The following LRRTM3 variants were observed in gnomAD, a reference collection of about 807,000 sequenced individuals.
LRRTM3 encodes the protein leucine-rich repeat transmembrane neuronal protein 3.
A neutral mutation model predicts 44.7 loss-of-function variants in LRRTM3; 24 were observed. The ratio of observed to expected loss-of-function variants is 0.54; its 90% CI spans 0.39 to 0.76. The LOEUF is 0.76. LRRTM3 is among the 30% of genes least tolerant of loss of function. The pLI is 0.00. For missense variants in LRRTM3, 587 were observed against 702.2 expected, an observed-to-expected ratio of 0.84 and a Z score of 1.85; for synonymous variants, 277 against 278.7, an observed-to-expected ratio of 0.99 and a Z score of 0.06.
chr10:67,018,651 C>T (rs1852805476), intron 2 of LRRTM3, among the ~76,000 whole-genome samples: 1 of 152,212 alleles, frequency 6.6e-6, no homozygotes, highest in South Asian at 2.1e-4. Context: ...GATCCATTAC[C>T]TACTAGCCTT....
Position 67,040,360 on chromosome 10 carries a change from C to G in LRRTM3, c.1537-57227C>G, listed in dbSNP as rs150177276. On this transcript the variant is annotated intron_variant, in intron 2 of 2. Transcript: ENST00000361320. ...GGAGAGAGAACAACCTCAGTAGTAA[C>G]TAGGTAAAGATTGTACTGGTTCCCC... 9.0e-4 allele frequency among the ~76,000 whole-genome samples: 137 copies of G among 152,092 alleles called. 3 individuals carry two copies. Among genetic ancestry groups the G allele is most frequent in the African/African-American group, 3.2e-3 (133 of 41,502 alleles).
intron 2 of LRRTM3, among the ~76,000 whole-genome samples, chr10:67,073,111 C>T (rs1049535201): frequency 3.3e-5 from 5 of 152,174 alleles, no homozygotes; most frequent in Non-Finnish European, 5.9e-5. Flanking sequence ...TACATGCATG[C>T]CTTGGAATAA....
chr10:66,950,575 C>T (rs1474916829), intron 2 of LRRTM3, among the ~76,000 whole-genome samples: 1 of 151,874 alleles, frequency 6.6e-6, no homozygotes. Context: ...TAAAACATTG[C>T]ATTTAATATA....
At chr10:67,046,989 A>G (rs4746655) in intron 2 of LRRTM3, among the ~76,000 whole-genome samples, 67,339 of 151,964 alleles carry the variant, frequency 0.44, 15,312 homozygotes, top group Middle Eastern at 0.61. Context: ...GGTAGAAAAG[A>G]AATAGTCTAA....
chr10:67,043,882 G>A (rs1316543639), intron 2 of LRRTM3, among the ~76,000 whole-genome samples: 1 of 149,848 alleles, frequency 6.7e-6, no homozygotes, highest in Non-Finnish European at 1.5e-5. Flanking sequence ...CTGTTCTGTA[G>A]GCAATCTGAC....
At chr10:66,950,086 C>T (rs550493052) in intron 2 of LRRTM3, among the ~76,000 whole-genome samples, 2 of 152,254 alleles carry the variant, frequency 1.3e-5, no homozygotes, top group East Asian at 1.9e-4. Flanking sequence ...ACTCTTTGAA[C>T]GTCTCCTTCA....
chr10:67,038,720 C>T (rs1180416651), intron 2 of LRRTM3, among the ~76,000 whole-genome samples: 1 of 151,946 alleles, frequency 6.6e-6, no homozygotes, highest in Non-Finnish European at 1.5e-5. Flanking sequence ...GTTAACAGTC[C>T]AAAATCATTA....
rs35802902 is a variant in LRRTM3 at position 66,971,426 on chromosome 10, CAA to C, written c.1536+42984_1536+42985del. Among the ~76,000 whole-genome samples, 8 of 150,512 alleles carry C rather than the reference CAA, an allele frequency of 5.3e-5. No homozygotes were observed. The South Asian group carries it at 8.4e-4, about 16-fold the overall frequency. The stretch of plus-strand genomic sequence containing the variant: ...TGGGCAACAGAGAGAGACTCCGTCT[CAA>C]AAAAAAAAATACATACATACATACA... On this transcript the variant is annotated intron_variant, in intron 2 of 2. Transcript: ENST00000361320.
chr10:67,084,859 T>C (rs191753417), intron 2 of LRRTM3, among the ~76,000 whole-genome samples: 160 of 152,078 alleles, frequency 1.1e-3, no homozygotes, highest in African/African-American at 3.4e-3. Flanking sequence ...GGTTATAGAT[T>C]AGCAGTATAA....
chr10:66,984,622 TTAGAG>T (rs1850626418), intron 2 of LRRTM3, among the ~76,000 whole-genome samples: 1 of 152,168 alleles, frequency 6.6e-6, no homozygotes, highest in Non-Finnish European at 1.5e-5. Flanking sequence ...TTTAATATTA[TTAGAG>T]TAAATAGTAA....
Position 67,081,354 on chromosome 10 carries a change from G to A in LRRTM3, c.1537-16233G>A, listed in dbSNP as rs890486331. Among the ~76,000 whole-genome samples the A allele has an allele frequency of 7.9e-5, 12 of 152,162 alleles. 1 individual carries two copies. Among genetic ancestry groups the A allele is most frequent in the Admixed American group, 5.9e-4 (9 of 15,276 alleles). On this transcript the variant is annotated intron_variant, in intron 2 of 2. Transcript: ENST00000361320. Reference sequence around the variant, plus strand: ...TGAGGAGTTTTTCAATCAATCAGTAGTAATACAATCATCTCTTTCACTTAT... The same window carrying A: ...TGAGGAGTTTTTCAATCAATCAGTAATAATACAATCATCTCTTTCACTTAT...
At chr10:67,014,088 C>T (rs1164980441) in intron 2 of LRRTM3, among the ~76,000 whole-genome samples, 1 of 152,066 alleles carries the variant, frequency 6.6e-6, no homozygotes, top group East Asian at 1.9e-4. Flanking sequence ...AAAGAATCAA[C>T]ATTAGTTTGT....
intron 2 of LRRTM3, among the ~76,000 whole-genome samples, chr10:67,011,813 C>T (rs995166403): frequency 6.6e-6 from 1 of 152,046 alleles, no homozygotes; most frequent in African/African-American, 2.4e-5. Context: ...GGAAGCAGAA[C>T]TTGAGGAAGT....
At chr10:67,051,514 C>T (rs1297428709) in intron 2 of LRRTM3, among the ~76,000 whole-genome samples, 1 of 148,682 alleles carries the variant, frequency 6.7e-6, no homozygotes, top group Non-Finnish European at 1.5e-5. Context: ...GGCTGGAGTG[C>T]AGTGGTGCAA....
chr10:66,969,380 A>G (rs1849601582), intron 2 of LRRTM3, among the ~76,000 whole-genome samples: 1 of 152,156 alleles, frequency 6.6e-6, no homozygotes, highest in African/African-American at 2.4e-5. Flanking sequence ...CGTTCCATAA[A>G]ATGAATGTGC....
intron 2 of LRRTM3, among the ~76,000 whole-genome samples, chr10:66,995,400 C>G (rs761908223): frequency 6.6e-6 from 1 of 152,200 alleles, no homozygotes; most frequent in African/African-American, 2.4e-5. Flanking sequence ...TCATCTCTTA[C>G]ATGGCCCATG....
At chr10:66,950,817 A>G (rs1003921307) in intron 2 of LRRTM3, among the ~76,000 whole-genome samples, 1 of 152,206 alleles carries the variant, frequency 6.6e-6, no homozygotes, top group Non-Finnish European at 1.5e-5. Flanking sequence ...TGAGGGGCAT[A>G]GAGAGAGATT....
intron 2 of LRRTM3, among the ~76,000 whole-genome samples, chr10:66,931,874 C>T (rs1847417366): frequency 6.6e-6 from 1 of 152,090 alleles, no homozygotes; most frequent in South Asian, 2.1e-4. Flanking sequence ...TCGATGCTGG[C>T]TAAGCATTTT....
chr10:66,937,788 T>A (rs1354859416), intron 2 of LRRTM3, among the ~76,000 whole-genome samples: 2 of 152,128 alleles, frequency 1.3e-5, no homozygotes, highest in Non-Finnish European at 2.9e-5. Context: ...GAAATGCCCT[T>A]CCTCCCTCCC....
Sources: allele counts gnomAD v4.1 joint callset (sites outside exome capture counted in the v4.1 genomes callset), GRCh38; gene constraint gnomAD v4.1.1; transcripts MANE v1.5; gene names NCBI Gene and HGNC (gene_info 2026-07-23, HGNC 2026-07-21).